SAP30BP: variants seen among roughly 807,000 people sequenced by gnomAD.
The protein encoded by SAP30BP is SAP30 binding protein.
Under a neutral mutation model 46.3 loss-of-function variants are expected in SAP30BP, and 31 were observed. The ratio of observed to expected loss-of-function variants is 0.67; its 90% CI spans 0.50 to 0.90. The LOEUF (loss-of-function observed/expected upper bound fraction) is 0.90, where lower values mean the gene tolerates loss of function less well. Among genes scored for constraint, SAP30BP ranks in the 40% least tolerant of loss-of-function variants. The probability of loss-of-function intolerance (pLI) is 0.00; values close to 1 mark genes in which losing one functional copy is unlikely to be tolerated. For missense variants in SAP30BP, 312 were observed against 391.0 expected, an observed-to-expected ratio of 0.80 and a Z score of 1.70; for synonymous variants, 169 against 144.2, an observed-to-expected ratio of 1.17 and a Z score of -1.23.
chr17:75,683,046 A>AT (rs773958182), intron 3 of SAP30BP, among the ~76,000 whole-genome samples: 1,509 of 46,012 alleles, frequency 0.033, 11 homozygotes, highest in East Asian at 0.14. Context: ...TTATTTATTT[A>AT]TTTATTTATT....
At chr17:75,681,334 G>A (rs2060073432) in intron 3 of SAP30BP, among the ~76,000 whole-genome samples, 1 of 152,172 alleles carries the variant, frequency 6.6e-6, no homozygotes, top group South Asian at 2.1e-4. Flanking sequence ...GCCTCCTCTG[G>A]AGGCCCAGCC....
At chr17:75,687,968 G>A (rs963421612) in intron 3 of SAP30BP, among the ~76,000 whole-genome samples, 3 of 150,060 alleles carry the variant, frequency 2.0e-5, no homozygotes, top group Admixed American at 1.3e-4. Flanking sequence ...GAGAGACAGA[G>A]AGAGGTCAGT....
intron 4 of SAP30BP, among the ~76,000 whole-genome samples, chr17:75,699,557 C>T (rs2060375238): frequency 6.6e-6 from 1 of 152,026 alleles, no homozygotes; most frequent in South Asian, 2.1e-4. Context: ...TTTATTCCCT[C>T]TGCCTGAACT....
intron 1 of SAP30BP, 29 bp downstream of exon 1, chr17:75,667,507 G>A (rs1382317596): frequency 1.3e-6 from 2 of 1,599,464 alleles, no homozygotes; most frequent in Non-Finnish European, 1.7e-6. Context: ...GCTGGAAGGG[G>A]GAATCGGGTG....
intron 3 of SAP30BP, among the ~76,000 whole-genome samples, chr17:75,678,991 GTTTTTTT>G (rs1008252984): frequency 7.4e-6 from 1 of 134,450 alleles, no homozygotes; most frequent in Non-Finnish European, 1.6e-5. Flanking sequence ...TTTCAGGCAA[GTTTTTTT>G]TTTTTTTTTT....
At chr17:75,705,679 C>G (rs1358281040) in intron 9 of SAP30BP, 4 of 1,134,396 alleles carry the variant, frequency 3.5e-6, no homozygotes, top group Non-Finnish European at 4.4e-6. Flanking sequence ...GGGCGGGCAC[C>G]GCCTCCTCCT....
At chr17:75,671,045 C>T (rs1424585269) in intron 2 of SAP30BP, among the ~76,000 whole-genome samples, 1 of 152,164 alleles carries the variant, frequency 6.6e-6, no homozygotes, top group Non-Finnish European at 1.5e-5. Flanking sequence ...TCAGCGTTAG[C>T]GTTCAGTGGA....
At chr17:75,667,867 G>T (rs1000725901) in intron 1 of SAP30BP, among the ~76,000 whole-genome samples, 1 of 152,206 alleles carries the variant, frequency 6.6e-6, no homozygotes, top group Non-Finnish European at 1.5e-5. Flanking sequence ...TTTTAGTTAG[G>T]AATGTGCCCT....
chr17:75,697,348 C>G (rs750333557), intron 4 of SAP30BP, among the ~76,000 whole-genome samples: 1 of 152,224 alleles, frequency 6.6e-6, no homozygotes, highest in African/African-American at 2.4e-5. Context: ...CCACTCTCCA[C>G]CAGCTTCTGC....
intron 4 of SAP30BP, among the ~76,000 whole-genome samples, chr17:75,697,889 A>G (rs2148413146): frequency 6.6e-6 from 1 of 152,320 alleles, no homozygotes; most frequent in South Asian, 2.1e-4. Flanking sequence ...GGAGAGGAGA[A>G]GGGGCTGGCT....
At chr17:75,686,869 G>C (rs557334867) in intron 3 of SAP30BP, among the ~76,000 whole-genome samples, 1 of 152,318 alleles carries the variant, frequency 6.6e-6, no homozygotes, top group African/African-American at 2.4e-5. Context: ...CTCACTCCTA[G>C]CCCCCAACCA....
At chr17:75,674,333 C>T (rs749647662) in intron 3 of SAP30BP, among the ~76,000 whole-genome samples, 24 of 152,032 alleles carry the variant, frequency 1.6e-4, no homozygotes, top group Non-Finnish European at 2.8e-4. Context: ...CTTGCTCTGT[C>T]GCTCAGGCTG....
At chr17:75,703,628 G>T in intron 7 of SAP30BP, 180 bp from the exon 8 acceptor site, 1 of 659,862 alleles carries the variant, frequency 1.5e-6, no homozygotes, top group Non-Finnish European at 2.7e-6. Flanking sequence ...CGCTGGATGG[G>T]GGCTTCGTGC....
chr17:75,705,835 C>T, intron 9 of SAP30BP, 173 bp from the exon 10 acceptor site: 1 of 1,097,396 alleles, frequency 9.1e-7, no homozygotes, highest in Non-Finnish European at 1.3e-6. Flanking sequence ...GTGAAAAGCC[C>T]CTTTGGGTTC....
chr17:75,705,718 C>T (rs569606475), intron 9 of SAP30BP: 652 of 1,158,714 alleles, frequency 5.6e-4, no homozygotes, highest in Non-Finnish European at 6.8e-4. Context: ...CCTGGCCAAA[C>T]GGTTCTGGGC....
Position 75,706,824 on chromosome 17 carries a change from A to C in SAP30BP, c.*303A>C. The stretch of plus-strand genomic sequence containing the variant: ...TTTGCAGGCAAATGCTTCAGCTCAC[A>C]TGTCCCCCAAGACTCAATAGTCTTG... On this transcript the variant is annotated 3_prime_UTR_variant, in exon 11 of 11. Coordinates refer to ENST00000584667, the MANE Select transcript of SAP30BP (RefSeq NM_013260.8). This position sits in a 1 kb window ranked among gnomAD's most constrained non-coding sequence, Gnocchi z 4.6. 2.4e-6 allele frequency: 1 copy of C among 414,974 alleles called. No homozygotes were observed. The highest frequency in any genetic ancestry group is 4.4e-6 in the Non-Finnish European group (1 of 226,460). 25.7% of individuals were successfully genotyped at this position (414,974 alleles called of 1,614,324 possible).
Position 75,706,775 on chromosome 17 carries a change from T to G in SAP30BP, c.*254T>G. On this transcript the variant is annotated 3_prime_UTR_variant, in exon 11 of 11. Coordinates refer to ENST00000584667, the MANE Select transcript of SAP30BP (RefSeq NM_013260.8). The surrounding 1 kb of genome is among the most constrained non-coding windows in gnomAD (Gnocchi z 4.6). ...TATTCTTACCTCTTGGCATCTCAGA[T>G]GCACTGGCCTCTCCTGCATTCTGTT... 1 of 530,796 alleles carries G rather than the reference T, an allele frequency of 1.9e-6. No homozygotes were observed. The highest frequency in any genetic ancestry group is 3.4e-6 in the Non-Finnish European group (1 of 296,046). The allele number at this position is 530,796 out of a possible 1,614,324, so 32.9% of individuals were successfully genotyped here. A position where few individuals can be genotyped will look rare whatever the true frequency, so the allele number is the denominator to read the frequency against.
intron 3 of SAP30BP, among the ~76,000 whole-genome samples, chr17:75,690,018 C>T (rs2060218909): frequency 1.3e-5 from 2 of 152,330 alleles, no homozygotes; most frequent in East Asian, 1.9e-4. Context: ...ACAGTGTTCA[C>T]TTTCTGGGTG....
At chr17:75,700,414 A>G (rs2060390416) in intron 5 of SAP30BP, among the ~76,000 whole-genome samples, 1 of 152,194 alleles carries the variant, frequency 6.6e-6, no homozygotes. Flanking sequence ...CTGGGGGGAC[A>G]GCTAGGGTTC....
Sources: allele counts gnomAD v4.1 joint callset (sites outside exome capture counted in the v4.1 genomes callset), GRCh38; gene constraint gnomAD v4.1.1; non-coding constraint Gnocchi (gnomAD v3.1); transcripts MANE v1.5; gene names NCBI Gene and HGNC (gene_info 2026-07-23, HGNC 2026-07-21).